Variants in GPM6A observed in about 807,000 individuals in gnomAD.
The protein encoded by GPM6A is glycoprotein M6A, also known as neuronal membrane glycoprotein M6-a.
GPM6A carries 7 observed loss-of-function variants against 32.1 expected under a neutral mutation model. The observed-to-expected ratio is 0.22, with a 90% CI of 0.12 to 0.41. GPM6A has a LOEUF of 0.41. Among genes scored for constraint, GPM6A ranks in the 10% least tolerant of loss-of-function variants. GPM6A has a pLI of 1.00. For missense variants in GPM6A, 235 were observed against 347.2 expected, an observed-to-expected ratio of 0.68 and a Z score of 2.57; for synonymous variants, 130 against 123.4, an observed-to-expected ratio of 1.05 and a Z score of -0.35.
rs567888982 is a variant in GPM6A at position 175,721,919 on chromosome 4, C to T, written c.38-20152G>A. Among the ~76,000 whole-genome samples the T allele has an allele frequency of 1.8e-4, 27 of 152,206 alleles. No individual in the cohort carries two copies. In the South Asian group the frequency reaches 3.3e-3, roughly 19 times the overall value. ...ACTAATGACAGAGAAAAATGTATTC[C>T]AGTGATCTGTAGTAACTTTCACTAT... is the stretch of plus-strand genomic sequence containing the variant. On this transcript the variant is annotated intron_variant, in intron 1 of 6. Transcript: ENST00000393658.
intron 1 of GPM6A, chr4:175,960,609 G>T (rs1740134750): frequency 1.3e-5 from 2 of 152,084 alleles, no homozygotes; most frequent in African/African-American, 4.8e-5. Context: ...TGTGTGTGTT[G>T]TTCCCTTCCC....
chr4:175,747,921 T>G (rs1485085391), intron 1 of GPM6A, among the ~76,000 whole-genome samples: 3 of 152,218 alleles, frequency 2.0e-5, no homozygotes. Flanking sequence ...TGCTGCTACT[T>G]TATCAACTAA....
chr4:175,882,173 C>T (rs1222378469), intron 1 of GPM6A, among the ~76,000 whole-genome samples: 1 of 151,854 alleles, frequency 6.6e-6, no homozygotes. Flanking sequence ...TCAAGAAAGA[C>T]ATAATTGTTT....
At chr4:175,974,868 A>G (rs912326636) in intron 1 of GPM6A, among the ~76,000 whole-genome samples, 3 of 152,062 alleles carry the variant, frequency 2.0e-5, no homozygotes, top group African/African-American at 7.2e-5. Flanking sequence ...TTTTTTGTAG[A>G]GACAGGGGTC....
intron 1 of GPM6A, among the ~76,000 whole-genome samples, chr4:175,958,279 T>C (rs572814863): frequency 6.6e-6 from 1 of 152,344 alleles, no homozygotes; most frequent in South Asian, 2.1e-4. Flanking sequence ...AATACTTGAA[T>C]GGCATCATTC....
At chr4:175,954,348 G>A (rs1244444264) in intron 1 of GPM6A, among the ~76,000 whole-genome samples, 1 of 152,124 alleles carries the variant, frequency 6.6e-6, no homozygotes, top group Non-Finnish European at 1.5e-5. Flanking sequence ...TAAGGGTGTG[G>A]CCCCCGTGGC....
chr4:175,739,369 G>A (rs1445095264), intron 1 of GPM6A, among the ~76,000 whole-genome samples: 1 of 152,058 alleles, frequency 6.6e-6, no homozygotes, highest in Non-Finnish European at 1.5e-5. Context: ...TTTCTAACAG[G>A]TTTCAGACAT....
chr4:175,831,910 G>T (rs946806025), intron 1 of GPM6A, among the ~76,000 whole-genome samples: 1 of 151,686 alleles, frequency 6.6e-6, no homozygotes, highest in African/African-American at 2.4e-5. Flanking sequence ...GTAGAGACGG[G>T]ATTTCACCAC....
At chr4:175,878,396 A>C (rs886499631) in intron 1 of GPM6A, among the ~76,000 whole-genome samples, 1 of 152,168 alleles carries the variant, frequency 6.6e-6, no homozygotes, top group Admixed American at 6.5e-5. Context: ...ATCTGCTTAG[A>C]TACCCAGACA....
Position 175,712,751 on chromosome 4 carries a change from C to T in GPM6A, c.38-10984G>A, listed in dbSNP as rs971979080. On this transcript the variant is annotated intron_variant, in intron 1 of 6. Transcript: ENST00000393658. ...TAGCAGCATGGGCACGGAATCACTA[C>T]GTTAATATTCAGAGAATGTTTCTTG... 6.6e-5 allele frequency among the ~76,000 whole-genome samples: 10 copies of T among 152,248 alleles called. No individual in the cohort carries two copies. In the South Asian group the frequency reaches 1.2e-3, roughly 19 times the overall value.
intron 1 of GPM6A, among the ~76,000 whole-genome samples, chr4:175,919,098 CTTAAT>C (rs1275241200): frequency 3.3e-5 from 5 of 152,244 alleles, no homozygotes; most frequent in South Asian, 2.1e-4. Context: ...TTTCAGCACA[CTTAAT>C]TTAACTGTAT....
intron 1 of GPM6A, among the ~76,000 whole-genome samples, chr4:175,770,640 C>CA (rs1331579468): frequency 1.3e-5 from 2 of 152,084 alleles, no homozygotes; most frequent in Non-Finnish European, 2.9e-5. Flanking sequence ...CTTTCCTTTT[C>CA]AAAATTTTCC....
chr4:175,812,423 A>G, upstream of GPM6A: 2 of 1,295,200 alleles, frequency 1.5e-6, no homozygotes, highest in Non-Finnish European at 1.9e-6. Flanking sequence ...TTGCTTGGAG[A>G]CAGGCTGTCA....
Position 175,769,567 on chromosome 4 carries a change from G to A in GPM6A, c.37+42624C>T, listed in dbSNP as rs534658618. 5.5e-5 allele frequency among the ~76,000 whole-genome samples: 8 copies of A among 144,544 alleles called. No homozygotes were observed. In the South Asian group the frequency reaches 6.5e-4, roughly 12 times the overall value. 94.8% of individuals were successfully genotyped at this position (144,544 alleles called of 152,430 possible). On this transcript the variant is annotated intron_variant, in intron 1 of 6. Coordinates refer to ENST00000393658, the MANE Select transcript of GPM6A (RefSeq NM_201591.3). ...CATGGTCACTGATCCAAACACCCCCGAATGAGGTCTCTGCCAGGCTTAGGA... is the reference window on the plus strand; with the variant it reads ...CATGGTCACTGATCCAAACACCCCCAAATGAGGTCTCTGCCAGGCTTAGGA...
At chr4:175,731,809 C>A (rs1424130873) in intron 1 of GPM6A, among the ~76,000 whole-genome samples, 1 of 152,114 alleles carries the variant, frequency 6.6e-6, no homozygotes, top group African/African-American at 2.4e-5. Context: ...ACCTCTCTGA[C>A]CTTATCTTTG....
intron 1 of GPM6A, among the ~76,000 whole-genome samples, chr4:175,811,515 T>G (rs765915672): frequency 3.3e-5 from 5 of 152,066 alleles, no homozygotes; most frequent in Non-Finnish European, 7.4e-5. Flanking sequence ...TCACTTTAAC[T>G]CATACAGCCA....
chr4:175,787,459 A>C, intron 1 of GPM6A: 1 of 1,496,932 alleles, frequency 6.7e-7, no homozygotes, highest in Non-Finnish European at 8.8e-7. Context: ...TCGTGTTCTG[A>C]GATTTTTTCT....
At chr4:175,875,924 T>C (rs1737071062) in intron 1 of GPM6A, among the ~76,000 whole-genome samples, 1 of 152,166 alleles carries the variant, frequency 6.6e-6, no homozygotes, top group Admixed American at 6.5e-5. Flanking sequence ...GTAAATCTTG[T>C]CTTGGTAATT....
intron 1 of GPM6A, chr4:175,961,120 T>G (rs1315684288): frequency 6.6e-6 from 1 of 152,224 alleles, no homozygotes; most frequent in African/African-American, 2.4e-5. Flanking sequence ...GCTAATGGAC[T>G]GTCAGTTGCA....
Sources: allele counts gnomAD v4.1 joint callset (sites outside exome capture counted in the v4.1 genomes callset), GRCh38; gene constraint gnomAD v4.1.1; transcripts MANE v1.5; gene names NCBI Gene and HGNC (gene_info 2026-07-23, HGNC 2026-07-21).